RPGRIP1L: variants seen among roughly 807,000 people sequenced by gnomAD.
RPGRIP1L encodes the protein protein fantom.
A neutral mutation model predicts 160.4 loss-of-function variants in RPGRIP1L; 131 were observed. That is an observed-to-expected ratio of 0.82 (90% confidence interval 0.71 to 0.94). RPGRIP1L has a LOEUF of 0.94. Among genes scored for constraint, RPGRIP1L ranks in the 40% least tolerant of loss-of-function variants. The pLI, the probability that RPGRIP1L is intolerant of heterozygous loss-of-function variation, is 0.00. For synonymous variants in RPGRIP1L, 510 were observed against 515.8 expected, an observed-to-expected ratio of 0.99 and a Z score of 0.15; for missense variants, 1,522 against 1,535.8, an observed-to-expected ratio of 0.99 and a Z score of 0.15.
chr16:53,610,844 C>G (rs759688373), intron 25 of RPGRIP1L, 123 bp downstream of exon 25: 125 of 780,128 alleles, frequency 1.6e-4, no homozygotes, highest in Middle Eastern at 4.4e-4. Context: ...TTCGAGGGTA[C>G]AGAGTGAGTC....
chr16:53,620,611 A>G (rs1964645268), intron 23 of RPGRIP1L, among the ~76,000 whole-genome samples: 1 of 152,220 alleles, frequency 6.6e-6, no homozygotes, highest in Non-Finnish European at 1.5e-5. Flanking sequence ...AAATGTCATT[A>G]AAGTGATGGT....
intron 22 of RPGRIP1L, among the ~76,000 whole-genome samples, chr16:53,625,650 C>T (rs1014266084): frequency 6.6e-5 from 10 of 152,176 alleles, no homozygotes; most frequent in Non-Finnish European, 1.3e-4. Context: ...GTGTACCCAA[C>T]GGCTCATTGA....
rs544836300 is a variant in RPGRIP1L at position 53,599,499 on chromosome 16, T to C, written c.*2577A>G. 3 of 152,334 alleles carry C rather than the reference T, an allele frequency of 2.0e-5. No homozygotes were observed. Among genetic ancestry groups the C allele is most frequent in the African/African-American group, 7.2e-5 (3 of 41,580 alleles). The allele number at this position is 152,334 out of a possible 1,614,324, so 9.4% of individuals were successfully genotyped here. A position where few individuals can be genotyped will look rare whatever the true frequency, so the allele number is the denominator to read the frequency against. On this transcript the variant is annotated 3_prime_UTR_variant, in exon 27 of 27. Transcript: ENST00000647211. ...AAAATACACTCTCCCACATACCACA[T>C]CACATCTCTATTTGTATTTCCAAAC...
chr16:53,632,682 G>A (rs978984836), intron 22 of RPGRIP1L, among the ~76,000 whole-genome samples: 9 of 152,198 alleles, frequency 5.9e-5, no homozygotes, highest in African/African-American at 2.2e-4. Context: ...TACCATAATA[G>A]GCTTGGCCCA....
At chr16:53,655,411 C>G (rs1165005112) in intron 14 of RPGRIP1L, 1 of 152,056 alleles carries the variant, frequency 6.6e-6, no homozygotes, top group Non-Finnish European at 1.5e-5. Flanking sequence ...CCTTCTCGAA[C>G]CTCAATAAGT....
At chr16:53,675,147 GAGAGAC>G (rs1378864032) in intron 6 of RPGRIP1L, 25 bp from the exon 7 acceptor site, 1 of 1,539,040 alleles carries the variant, frequency 6.5e-7, no homozygotes. Context: ...TTAAGAAAAA[GAGAGAC>G]AGAAGTAAAA....
intron 25 of RPGRIP1L, among the ~76,000 whole-genome samples, chr16:53,607,735 G>A (rs1017390629): frequency 1.2e-4 from 19 of 152,206 alleles, no homozygotes; most frequent in Admixed American, 9.8e-4. Flanking sequence ...GAAAGAACTC[G>A]AAATTTAAAA....
chr16:53,696,032 T>C, intron 3 of RPGRIP1L, 119 bp downstream of exon 3: 1 of 989,824 alleles, frequency 1.0e-6, no homozygotes, highest in Non-Finnish European at 1.5e-6. Context: ...TGTACTTATT[T>C]ACATCCTGCC....
chr16:53,617,241 T>C (rs1964443563), intron 24 of RPGRIP1L, among the ~76,000 whole-genome samples: 1 of 152,250 alleles, frequency 6.6e-6, no homozygotes, highest in African/African-American at 2.4e-5. Flanking sequence ...CATCTACTCC[T>C]TGACATGGCC....
At chr16:53,642,001 T>C (rs1034882950) in intron 17 of RPGRIP1L, among the ~76,000 whole-genome samples, 1 of 152,082 alleles carries the variant, frequency 6.6e-6, no homozygotes, top group African/African-American at 2.4e-5. Context: ...TTGTTGGGAT[T>C]TGTTAAATCA....
In RPGRIP1L at chr16:53,658,765, A is replaced by G; in HGVS notation, c.1350+7T>C. 1 of 1,559,020 alleles carries G rather than the reference A, an allele frequency of 6.4e-7. No individual in the cohort carries two copies. The highest frequency in any genetic ancestry group is 8.8e-7 in the Non-Finnish European group (1 of 1,138,462). ...AGTTTTATTTCTTAAATAAGGAAAT[A>G]ATTCACCTGGTTGTACAATTTTATG... On this transcript the variant is annotated splice_region_variant and intron_variant, in intron 11 of 26. Coordinates refer to ENST00000647211, the MANE Select transcript of RPGRIP1L (RefSeq NM_015272.5).
chr16:53,673,311 T>C (rs1416026741), intron 7 of RPGRIP1L, among the ~76,000 whole-genome samples: 1 of 152,176 alleles, frequency 6.6e-6, no homozygotes, highest in East Asian at 1.9e-4. Flanking sequence ...GTAAATTCAT[T>C]TTAACAATAA....
chr16:53,671,174 A>G (rs1328766152), intron 9 of RPGRIP1L, among the ~76,000 whole-genome samples: 2 of 152,106 alleles, frequency 1.3e-5, no homozygotes, highest in Non-Finnish European at 2.9e-5. Context: ...AATTTGTAAT[A>G]CATACATTTC....
In RPGRIP1L at chr16:53,649,109, T is replaced by C. The variant is rs749021782; in HGVS notation, c.2159A>G (p.Lys720Arg). The change falls in exon 16 of 27, where the codon AAA becomes AGA. Residue 720 changes from lysine (K) to arginine (R), a missense_variant. By Grantham distance (26) the Lys-to-Arg change is conservative (BLOSUM62 2). Transcript: ENST00000647211. ...TGTGCCAAAATTTGGGATGTCTCCT[T>C]TTGTTCCTACAAATCAGTACATAAC... ...IFCTASLIGTKGDIPNFGTVE... is the reference protein window; with the variant it reads ...IFCTASLIGTRGDIPNFGTVE... The C allele has an allele frequency of 2.5e-6, 4 of 1,613,970 alleles. No individual in the cohort carries two copies. The highest frequency in any genetic ancestry group is 3.3e-5 in the Admixed American group (2 of 60,020).
At chr16:53,651,497 G>GC in intron 15 of RPGRIP1L, among the ~76,000 whole-genome samples, 1 of 152,104 alleles carries the variant, frequency 6.6e-6, no homozygotes, top group South Asian at 2.1e-4. Context: ...ATATGATCTG[G>GC]CCCCGCCTAT....
Position 53,703,820 on chromosome 16 carries a change from A to G in RPGRIP1L, c.-25T>C, listed in dbSNP as rs1598444844. 4.8e-6 allele frequency: 2 copies of G among 417,948 alleles called. No homozygotes were observed. The highest frequency in any genetic ancestry group is 1.0e-4 in the East Asian group (2 of 19,628). 25.9% of individuals were successfully genotyped at this position (417,948 alleles called of 1,614,324 possible). A position where few individuals can be genotyped will look rare whatever the true frequency, so the allele number is the denominator to read the frequency against. ...GTACTCACCGTGCCACTGGCCCTGC[A>G]GCTAGCTACCGTTGCTATAGCGCCG... On this transcript the variant is annotated 5_prime_UTR_variant, in exon 1 of 27. Coordinates refer to ENST00000647211, the MANE Select transcript of RPGRIP1L (RefSeq NM_015272.5).
In RPGRIP1L at chr16:53,601,937, C is replaced by T. The variant is rs1016758122; in HGVS notation, c.*139G>A. On this transcript the variant is annotated 3_prime_UTR_variant, in exon 27 of 27. Coordinates refer to ENST00000647211, the MANE Select transcript of RPGRIP1L (RefSeq NM_015272.5). ...TGAAAAAGTATACAAAACTTCAACA[C>T]TTCAAACCCAGGTCTCCCCGCTCCC... The T allele has an allele frequency of 8.8e-6, 6 of 682,310 alleles. No homozygotes were observed. The highest frequency in any genetic ancestry group is 1.6e-5 in the Non-Finnish European group (6 of 372,634). 42.3% of individuals were successfully genotyped at this position (682,310 alleles called of 1,614,324 possible).
chr16:53,630,717 A>G (rs1189105959), intron 22 of RPGRIP1L, among the ~76,000 whole-genome samples: 1 of 152,106 alleles, frequency 6.6e-6, no homozygotes, highest in East Asian at 1.9e-4. Context: ...TTCCAGTTTG[A>G]CATAAAATAT....
chr16:53,644,091 G>A (rs904721769), intron 17 of RPGRIP1L, among the ~76,000 whole-genome samples: 21 of 152,114 alleles, frequency 1.4e-4, no homozygotes, highest in African/African-American at 4.8e-4. Flanking sequence ...CTGCTCAGGA[G>A]GCTGAGGCAG....
Sources: allele counts gnomAD v4.1 joint callset (sites outside exome capture counted in the v4.1 genomes callset), GRCh38; gene constraint gnomAD v4.1.1; transcripts MANE v1.5; gene names NCBI Gene and HGNC (gene_info 2026-07-23, HGNC 2026-07-21).